EMID1: variants seen among roughly 807,000 people sequenced by gnomAD.
EMID1 encodes EMI domain containing 1.
EMID1 carries 40 observed loss-of-function variants against 60.6 expected under a neutral mutation model. The ratio of observed to expected loss-of-function variants is 0.66; its 90% confidence interval spans 0.51 to 0.86. The LOEUF (loss-of-function observed/expected upper bound fraction) is 0.86, where lower values mean the gene tolerates loss of function less well. Ranked by LOEUF, EMID1 falls within the 40% of genes least tolerant of loss-of-function variation. EMID1 has a pLI of 0.00. For synonymous variants in EMID1, 242 were observed against 231.0 expected (o/e 1.05, Z -0.43); for missense variants, 585 against 597.1 (o/e 0.98, Z 0.21).
intron 12 of EMID1, among the ~76,000 whole-genome samples, chr22:29,238,004 A>G (rs978787135): frequency 2.1e-5 from 3 of 143,346 alleles, no homozygotes; most frequent in African/African-American, 5.5e-5. Flanking sequence ...AAATTCCCTC[A>G]CTGTTTGTTT....
At chr22:29,227,599 G>T (rs761993051) in intron 5 of EMID1, among the ~76,000 whole-genome samples, 1 of 150,622 alleles carries the variant, frequency 6.6e-6, no homozygotes, top group African/African-American at 2.4e-5. Context: ...CAGCTACAAA[G>T]GAGGCTGAGG....
At chr22:29,229,911 G>T (rs1199040875) in intron 5 of EMID1, among the ~76,000 whole-genome samples, 8 of 152,180 alleles carry the variant, frequency 5.3e-5, no homozygotes, top group African/African-American at 1.4e-4. Flanking sequence ...CTGGCCTTTC[G>T]TTGGTCCTCA....
In EMID1 at chr22:29,215,647, G is replaced by A. The variant is rs761223180; in HGVS notation, c.319+17G>A. On this transcript the variant is annotated intron_variant, in intron 3 of 14. Coordinates refer to ENST00000334018, the MANE Select transcript of EMID1 (RefSeq NM_133455.4). Reference sequence around the variant, plus strand: ...GCGAGGAAGGTAGGACTGCCCGGCCGGCTCCCGGAGCCCTGCGACAGCAGG... The same window carrying A: ...GCGAGGAAGGTAGGACTGCCCGGCCAGCTCCCGGAGCCCTGCGACAGCAGG... 35 of 1,608,960 alleles carry A rather than the reference G, an allele frequency of 2.2e-5. No individual in the cohort carries two copies. The highest frequency in any genetic ancestry group is 8.0e-5 in the African/African-American group (6 of 74,814).
chr22:29,234,419 C>T (rs899148158), intron 12 of EMID1, 70 bp downstream of exon 12: 1 of 1,534,702 alleles, frequency 6.5e-7, no homozygotes, highest in East Asian at 2.3e-5. Flanking sequence ...CCTGTGACTC[C>T]ATCCCCTGCA....
Position 29,231,102 on chromosome 22 carries a change from C to A in EMID1, c.548C>A (p.Pro183His). Residue 183 changes from proline (P) to histidine (H), a missense_variant, in exon 6 of 15, where the codon CCT (proline) becomes CAT (histidine). Transcript: ENST00000334018. ...GACCCTGCCCCGCTCTGGGGTCCCC[C>A]TCCTGCCCAGGGCAGCCCCGGAGAT... ...PEDPAPLWGP[P>H]PAQGSPGDGG... 1.2e-6 allele frequency: 2 copies of A among 1,613,270 alleles called. No individual in the cohort carries two copies. Among genetic ancestry groups the A allele is most frequent in the Non-Finnish European group, 1.7e-6 (2 of 1,179,634 alleles).
At chr22:29,236,384 C>T (rs1349640758) in intron 12 of EMID1, among the ~76,000 whole-genome samples, 1 of 152,038 alleles carries the variant, frequency 6.6e-6, no homozygotes, top group Non-Finnish European at 1.5e-5. Flanking sequence ...AGAACCAGAC[C>T]TTGCCTCTAA....
At chr22:29,216,448 G>T in intron 3 of EMID1, 1 of 985,474 alleles carries the variant, frequency 1.0e-6, no homozygotes, top group South Asian at 4.7e-5. Context: ...AGGATGGGCT[G>T]GCCCAGAACC....
At chr22:29,211,878 C>T (rs934216051) in intron 1 of EMID1, among the ~76,000 whole-genome samples, 1 of 152,226 alleles carries the variant, frequency 6.6e-6, no homozygotes, top group Non-Finnish European at 1.5e-5. Flanking sequence ...ACCTGTACAC[C>T]AAGTTTTATG....
rs2041222627 is a variant in EMID1 at position 29,243,451 on chromosome 22, C to A, written c.1081C>A (p.Pro361Thr). 3 of 1,614,128 alleles carry A rather than the reference C, an allele frequency of 1.9e-6. No homozygotes were observed. The highest frequency in any genetic ancestry group is 1.3e-5 in the African/African-American group (1 of 75,042). The change falls in exon 13 of 15, where the codon CCT becomes ACT. Residue 361 changes from proline (P) to threonine (T), a missense_variant. Pro to Thr is a conservative substitution (Grantham distance 38). Transcript: ENST00000334018. The part of the protein sequence containing the change: ...PQGSAGQRGE[P>T]GPKGDPGEKS... ...TCTCTGTCTCTCCTTGCAGGGGGAA[C>A]CTGGCCCTAAGGGAGACCCTGGTGA...
At chr22:29,222,386 G>T (rs113492476) in intron 3 of EMID1, among the ~76,000 whole-genome samples, 10,677 of 149,210 alleles carry the variant, frequency 0.072, 548 homozygotes, top group Non-Finnish European at 0.096. Context: ...GAGCCACTGC[G>T]CCTGGCCCAT....
In EMID1 at chr22:29,205,975, G is replaced by A; in HGVS notation, c.-64G>A. ...GGCGGCTGGCGGCGCGGGCAGGCAG[G>A]CGGGGAGGACAGGCTGGGGGCGGCG... On this transcript the variant is annotated 5_prime_UTR_variant, in exon 1 of 15. Transcript: ENST00000334018. 3 of 1,022,508 alleles carry A rather than the reference G, an allele frequency of 2.9e-6. No individual in the cohort carries two copies. The highest frequency in any genetic ancestry group is 3.6e-6 in the Non-Finnish European group (3 of 827,450). The allele number at this position is 1,022,508 out of a possible 1,614,324, so 63.3% of individuals were successfully genotyped here.
Position 29,259,304 on chromosome 22 carries a change from G to T in EMID1, c.*360G>T, listed in dbSNP as rs1476130250. The T allele has an allele frequency of 7.6e-6, 2 of 264,092 alleles. No homozygotes were observed. Among genetic ancestry groups the T allele is most frequent in the African/African-American group, 2.3e-5 (1 of 43,104 alleles). The allele number at this position is 264,092 out of a possible 1,614,324, so 16.4% of individuals were successfully genotyped here. On this transcript the variant is annotated 3_prime_UTR_variant, in exon 15 of 15. Coordinates refer to ENST00000334018, the MANE Select transcript of EMID1 (RefSeq NM_133455.4). ...CACATGCAGAGATGACAGGGCAGGG[G>T]GCAGTCTTCCTCCCCCTCCCCGACC...
chr22:29,207,160 C>T (rs571482473), intron 1 of EMID1, among the ~76,000 whole-genome samples: 1 of 152,328 alleles, frequency 6.6e-6, no homozygotes, highest in Non-Finnish European at 1.5e-5. Context: ...CCAGCATGCC[C>T]CTGCTGGGCT....
intron 12 of EMID1, among the ~76,000 whole-genome samples, chr22:29,239,748 ATTAGAT>A (rs1385343533): frequency 2.2e-4 from 33 of 149,204 alleles, no homozygotes. Context: ...GAGTCCTATG[ATTAGAT>A]CTCAGTCTTT....
chr22:29,215,339 C>T (rs2040044481), intron 2 of EMID1, 188 bp from the exon 3 acceptor site: 1 of 944,440 alleles, frequency 1.1e-6, no homozygotes, highest in African/African-American at 1.8e-5. Context: ...ATCCAATCTC[C>T]AATCCCTGTG....
intron 1 of EMID1, among the ~76,000 whole-genome samples, chr22:29,211,467 C>A (rs552480892): frequency 6.6e-6 from 1 of 151,990 alleles, no homozygotes; most frequent in Non-Finnish European, 1.5e-5. Context: ...CACTGCAGTG[C>A]GTATTTGCCC....
At chr22:29,241,406 C>T (rs904142395) in intron 12 of EMID1, among the ~76,000 whole-genome samples, 2 of 152,052 alleles carry the variant, frequency 1.3e-5, no homozygotes, top group African/African-American at 4.8e-5. Flanking sequence ...TTTTTATTTT[C>T]GAGATGACTC....
At chr22:29,221,331 A>G (rs12628389) in intron 3 of EMID1, among the ~76,000 whole-genome samples, 32,291 of 151,954 alleles carry the variant, frequency 0.21, 3,786 homozygotes, top group East Asian at 0.34. Flanking sequence ...GCCTTTGACC[A>G]AACACCAATG....
intron 12 of EMID1, among the ~76,000 whole-genome samples, chr22:29,235,013 C>CT (rs1196878281): frequency 6.6e-6 from 1 of 151,910 alleles, no homozygotes; most frequent in Non-Finnish European, 1.5e-5. Context: ...TGACAAAACT[C>CT]TGTCTTTATA....
Sources: allele counts gnomAD v4.1 joint callset (sites outside exome capture counted in the v4.1 genomes callset), GRCh38; gene constraint gnomAD v4.1.1; transcripts MANE v1.5; gene names NCBI Gene and HGNC (gene_info 2026-07-23, HGNC 2026-07-21).